ELP3: variants seen among roughly 807,000 people sequenced by gnomAD.
ELP3 encodes the protein elongator complex protein 3.
Under a neutral mutation model 74.9 loss-of-function variants are expected in ELP3, and 56 were observed. The observed-to-expected ratio is 0.75, with a 90% CI of 0.60 to 0.93. The LOEUF (loss-of-function observed/expected upper bound fraction) is 0.93. ELP3 is among the 40% of genes least tolerant of loss of function. ELP3 has a pLI of 0.00. For synonymous variants in ELP3, 222 were observed against 239.8 expected, an observed-to-expected ratio of 0.93 and a Z score of 0.68; for missense variants, 573 against 686.5, an observed-to-expected ratio of 0.83 and a Z score of 1.85.
chr8:28,154,639 A>T (rs113052111), intron 10 of ELP3, among the ~76,000 whole-genome samples: 1,554 of 152,298 alleles, frequency 0.01, 27 homozygotes, highest in African/African-American at 0.035. Flanking sequence ...GTAAAATTTT[A>T]AAAATATACA....
chr8:28,158,634 G>C lies in ELP3; in HGVS notation c.1257+1G>C. 6.2e-7 allele frequency: 1 copy of C among 1,612,962 alleles called. No homozygotes were observed. The highest frequency in any genetic ancestry group is 8.5e-7 in the Non-Finnish European group (1 of 1,179,282). On this transcript the variant is annotated splice_donor_variant, in intron 12 of 14. Transcript: ENST00000256398. LOFTEE classifies it high-confidence loss of function. ...TCATCACAAAGTACGGCCATACCAG[G>C]TTAGTCTCTTCATGTCATAGAGGGC...
intron 7 of ELP3, among the ~76,000 whole-genome samples, chr8:28,116,408 T>TAG (rs1459789700): frequency 3.3e-5 from 5 of 152,148 alleles, no homozygotes; most frequent in Non-Finnish European, 5.9e-5. Flanking sequence ...GCTTTAGTAA[T>TAG]AGAGGAGATG....
chr8:28,133,497 G>A (rs1451225056), intron 9 of ELP3, among the ~76,000 whole-genome samples: 1 of 141,426 alleles, frequency 7.1e-6, no homozygotes, highest in Non-Finnish European at 1.5e-5. Flanking sequence ...TTTTAACTCT[G>A]GGTTGTTTTA....
At chr8:28,184,166 C>CT (rs1404089723) in intron 14 of ELP3, among the ~76,000 whole-genome samples, 3 of 152,078 alleles carry the variant, frequency 2.0e-5, no homozygotes, top group Non-Finnish European at 4.4e-5. Context: ...GGAAATTTTT[C>CT]TTTCAAAAAA....
At chr8:28,185,617 A>G (rs13275530) in intron 14 of ELP3, among the ~76,000 whole-genome samples, 44,622 of 152,002 alleles carry the variant, frequency 0.29, 6,965 homozygotes, top group East Asian at 0.59. Flanking sequence ...AGATAGGGGA[A>G]GTATCTGCAC....
At chr8:28,130,119 A>G (rs1812733981) in intron 8 of ELP3, among the ~76,000 whole-genome samples, 1 of 152,244 alleles carries the variant, frequency 6.6e-6, no homozygotes, top group Non-Finnish European at 1.5e-5. Flanking sequence ...TGGGAGTGCA[A>G]GAAAAGAAGG....
At chr8:28,164,147 C>T (rs1314973593) in intron 14 of ELP3, among the ~76,000 whole-genome samples, 1 of 152,178 alleles carries the variant, frequency 6.6e-6, no homozygotes, top group Non-Finnish European at 1.5e-5. Context: ...GCCTTTATGA[C>T]ATCTGTGTCT....
At chr8:28,120,285 G>A (rs920536364) in intron 7 of ELP3, among the ~76,000 whole-genome samples, 6 of 152,174 alleles carry the variant, frequency 3.9e-5, no homozygotes, top group South Asian at 4.1e-4. Flanking sequence ...TCTAGTGGGC[G>A]TATAATGGTA....
At chr8:28,187,588 AT>A (rs1815290299) in intron 14 of ELP3, among the ~76,000 whole-genome samples, 1 of 152,100 alleles carries the variant, frequency 6.6e-6, no homozygotes, top group South Asian at 2.1e-4. Flanking sequence ...GGACTTTCAC[AT>A]TTGTTTTTCC....
At chr8:28,181,804 A>G (rs547916923) in intron 14 of ELP3, among the ~76,000 whole-genome samples, 24 of 152,288 alleles carry the variant, frequency 1.6e-4, no homozygotes, top group African/African-American at 5.5e-4. Context: ...TTGAGTTATG[A>G]CCCATTCTGA....
intron 14 of ELP3, among the ~76,000 whole-genome samples, chr8:28,185,885 A>C (rs1163140659): frequency 6.6e-6 from 1 of 152,202 alleles, no homozygotes; most frequent in East Asian, 1.9e-4. Context: ...GCAGGAGAGC[A>C]GTGTGTTCAG....
intron 7 of ELP3, among the ~76,000 whole-genome samples, chr8:28,114,499 C>T (rs1054613037): frequency 2.6e-5 from 4 of 151,864 alleles, no homozygotes; most frequent in African/African-American, 7.3e-5. Context: ...CATCACATGA[C>T]GGGTGCAGGG....
chr8:28,176,279 T>C (rs1354882111), intron 14 of ELP3, among the ~76,000 whole-genome samples: 1 of 152,228 alleles, frequency 6.6e-6, no homozygotes, highest in Non-Finnish European at 1.5e-5. Context: ...TGTGTATCTC[T>C]TCAAATCTTT....
intron 1 of ELP3, among the ~76,000 whole-genome samples, chr8:28,094,460 G>A (rs572421838): frequency 2.0e-5 from 3 of 152,084 alleles, no homozygotes; most frequent in Admixed American, 6.5e-5. Flanking sequence ...GGCTCATGCC[G>A]GTAATCCCAG....
intron 1 of ELP3, among the ~76,000 whole-genome samples, chr8:28,096,259 T>C (rs1369783798): frequency 6.6e-6 from 1 of 152,242 alleles, no homozygotes; most frequent in Non-Finnish European, 1.5e-5. Context: ...GTGAATTGTA[T>C]AATTATTTCA....
At chr8:28,187,235 G>T (rs762966338) in intron 14 of ELP3, among the ~76,000 whole-genome samples, 3 of 152,092 alleles carry the variant, frequency 2.0e-5, no homozygotes, top group Non-Finnish European at 4.4e-5. Flanking sequence ...GACTCAGCCC[G>T]AGCCACCACC....
upstream of ELP3, chr8:28,092,695 C>G: frequency 5.3e-6 from 1 of 190,004 alleles, no homozygotes; most frequent in South Asian, 7.8e-5. Context: ...ACCTCGGATT[C>G]TTACTCGATT....
intron 9 of ELP3, among the ~76,000 whole-genome samples, chr8:28,136,262 C>T (rs1812988072): frequency 6.6e-6 from 1 of 152,034 alleles, no homozygotes; most frequent in South Asian, 2.1e-4. Context: ...GCGCCTGGCC[C>T]CTGTTACTTT....
upstream of ELP3, chr8:28,092,984 G>C (rs573928276): frequency 7.4e-6 from 5 of 673,810 alleles, no homozygotes; most frequent in Non-Finnish European, 1.3e-5. Flanking sequence ...CCATCCCTGA[G>C]ACCCGGGGCA....
Sources: allele counts gnomAD v4.1 joint callset (sites outside exome capture counted in the v4.1 genomes callset), GRCh38; gene constraint gnomAD v4.1.1; transcripts MANE v1.5; gene names NCBI Gene and HGNC (gene_info 2026-07-23, HGNC 2026-07-21).